The following MINDY4 variants were observed in gnomAD, a reference collection of about 807,000 sequenced individuals.
MINDY4 encodes MINDY lysine 48 deubiquitinase 4.
A neutral mutation model predicts 87.0 loss-of-function variants in MINDY4; 68 were observed. The ratio of observed to expected loss-of-function variants is 0.78; its 90% confidence interval spans 0.64 to 0.96. MINDY4 has a LOEUF of 0.96. Among genes scored for constraint, MINDY4 ranks in the 40% least tolerant of loss-of-function variants. MINDY4 has a pLI of 0.00. For missense variants in MINDY4, 919 were observed against 928.2 expected (o/e 0.99, Z 0.13); for synonymous variants, 379 against 363.2 (o/e 1.04, Z -0.50).
At chr7:30,834,265 G>A (rs1788794151) in intron 6 of MINDY4, among the ~76,000 whole-genome samples, 1 of 152,220 alleles carries the variant, frequency 6.6e-6, no homozygotes. Context: ...CTAGGCGGAG[G>A]TTCCCAAACC....
intron 5 of MINDY4, among the ~76,000 whole-genome samples, chr7:30,794,316 A>T (rs542123987): frequency 6.6e-6 from 1 of 152,068 alleles, no homozygotes; most frequent in Non-Finnish European, 1.5e-5. Flanking sequence ...GGAGACACAC[A>T]TGTGCACATA....
At chr7:30,823,375 A>G (rs1788399723) in intron 5 of MINDY4, among the ~76,000 whole-genome samples, 1 of 152,200 alleles carries the variant, frequency 6.6e-6, no homozygotes, top group Non-Finnish European at 1.5e-5. Context: ...TTCTAATTTT[A>G]TAATTCCTTC....
At chr7:30,802,832 C>T (rs1258521779) in intron 5 of MINDY4, among the ~76,000 whole-genome samples, 2 of 152,086 alleles carry the variant, frequency 1.3e-5, no homozygotes, top group African/African-American at 4.8e-5. Context: ...AACCAACCAA[C>T]CATCCCAACC....
chr7:30,882,092 A>T, intron 15 of MINDY4, 89 bp from the exon 16 acceptor site: 1 of 1,273,170 alleles, frequency 7.9e-7, no homozygotes, highest in Non-Finnish European at 1.1e-6. Context: ...GGCCTCTCTG[A>T]GGTCAGCCCT....
chr7:30,835,504 A>G (rs1418670259), intron 6 of MINDY4, among the ~76,000 whole-genome samples: 1 of 152,244 alleles, frequency 6.6e-6, no homozygotes, highest in Non-Finnish European at 1.5e-5. Flanking sequence ...GTTCAGGTTC[A>G]TATTTAAATT....
intron 5 of MINDY4, among the ~76,000 whole-genome samples, chr7:30,815,461 G>C (rs1207211486): frequency 4.6e-5 from 7 of 152,214 alleles, no homozygotes; most frequent in Non-Finnish European, 1.0e-4. Flanking sequence ...CACTGGCCCT[G>C]GTCACTGGTC....
At chr7:30,880,989 AG>A (rs1197707480) in intron 15 of MINDY4, among the ~76,000 whole-genome samples, 1 of 152,166 alleles carries the variant, frequency 6.6e-6, no homozygotes, top group Admixed American at 6.5e-5. Flanking sequence ...TCTCCTGTAA[AG>A]GGTTCTGGAA....
rs138371071 is a variant in MINDY4, at chr7:30,836,614, G to C, written c.1133-44G>C. ...TCAGTGACTTCATGTTCTGTTCTCC[G>C]TGAGTCATAACGAAGGGCTCACATG... On this transcript the variant is annotated intron_variant, in intron 6 of 17. Transcript: ENST00000265299. 2.8e-4 allele frequency: 412 copies of C among 1,483,868 alleles called. No homozygotes were observed. In the African/African-American group the frequency reaches 5.2e-3, roughly 19 times the overall value. The allele number at this position is 1,483,868 out of a possible 1,614,324, so 91.9% of individuals were successfully genotyped here.
chr7:30,837,140 G>A (rs1788881974), intron 7 of MINDY4, among the ~76,000 whole-genome samples: 1 of 152,186 alleles, frequency 6.6e-6, no homozygotes, highest in Admixed American at 6.5e-5. Context: ...CCAGGTTGCA[G>A]TGAAGGAAGG....
chr7:30,786,103 G>A, intron 4 of MINDY4, 111 bp downstream of exon 4: 1 of 1,428,418 alleles, frequency 7.0e-7, no homozygotes, highest in Non-Finnish European at 9.5e-7. Context: ...CCGAGAAGAG[G>A]GTCTGTGTGT....
chr7:30,812,887 G>C (rs1456123752), intron 5 of MINDY4, among the ~76,000 whole-genome samples: 4 of 152,196 alleles, frequency 2.6e-5, no homozygotes, highest in African/African-American at 9.7e-5. Flanking sequence ...TTTCCAACAG[G>C]AGATTGCCCA....
chr7:30,803,760 TTGTTCTTC>T (rs1296623011), intron 5 of MINDY4, among the ~76,000 whole-genome samples: 7 of 152,248 alleles, frequency 4.6e-5, no homozygotes, highest in African/African-American at 1.7e-4. Flanking sequence ...AGCAGCTCTC[TTGTTCTTC>T]CCCAGCGTGT....
At position 30,796,227 on chromosome 7, in the gene MINDY4, CT is replaced by C. The variant is rs1787485175; in HGVS notation, c.1073+4654del. 2.6e-5 allele frequency among the ~76,000 whole-genome samples: 4 copies of C among 152,210 alleles called. No homozygotes were observed. The South Asian group carries it at 8.3e-4, about 32-fold the overall frequency. ...TTTTTTGTGTTTTTCACATTTCCCC[CT>C]GTCTCACTGTCACATCTGTCTCTTT... On this transcript the variant is annotated intron_variant, in intron 5 of 17. Transcript: ENST00000265299.
chr7:30,832,530 T>G (rs1584289875), intron 6 of MINDY4, among the ~76,000 whole-genome samples: 1 of 152,088 alleles, frequency 6.6e-6, no homozygotes, highest in East Asian at 1.9e-4. Context: ...TGAGATGGAG[T>G]CTTGCTCTGT....
intron 3 of MINDY4, among the ~76,000 whole-genome samples, chr7:30,782,822 T>C: frequency 6.6e-6 from 1 of 152,242 alleles, no homozygotes. Context: ...ATTTTTATGT[T>C]ACAATCTTGA....
At chr7:30,883,750 G>A (rs1353925647) in intron 17 of MINDY4, among the ~76,000 whole-genome samples, 1 of 152,150 alleles carries the variant, frequency 6.6e-6, no homozygotes, top group Non-Finnish European at 1.5e-5. Context: ...CATGAGAGGA[G>A]CAGCCCGGGA....
chr7:30,866,805 A>G (rs891995487), intron 13 of MINDY4, among the ~76,000 whole-genome samples: 1 of 152,166 alleles, frequency 6.6e-6, no homozygotes, highest in African/African-American at 2.4e-5. Flanking sequence ...GGTGGGTGGC[A>G]GAAGGCAGCT....
intron 17 of MINDY4, among the ~76,000 whole-genome samples, chr7:30,890,815 A>G (rs1790773878): frequency 6.6e-6 from 1 of 152,146 alleles, no homozygotes; most frequent in Non-Finnish European, 1.5e-5. Flanking sequence ...GTTGAGGATG[A>G]ACCATTGACT....
intron 13 of MINDY4, among the ~76,000 whole-genome samples, chr7:30,862,264 G>A (rs1216887848): frequency 6.6e-6 from 1 of 152,224 alleles, no homozygotes; most frequent in Middle Eastern, 3.2e-3. Context: ...GGGAATGCCA[G>A]CAAGGATGGG....
Sources: allele counts gnomAD v4.1 joint callset (sites outside exome capture counted in the v4.1 genomes callset), GRCh38; gene constraint gnomAD v4.1.1; transcripts MANE v1.5; gene names NCBI Gene and HGNC (gene_info 2026-07-23, HGNC 2026-07-21).